Variants in PEBP4 observed in about 807,000 individuals in gnomAD.
PEBP4 encodes phosphatidylethanolamine-binding protein 4.
Under a neutral mutation model 23.9 loss-of-function variants are expected in PEBP4, and 22 were observed. The ratio of observed to expected loss-of-function variants is 0.92; its 90% confidence interval spans 0.66 to 1.31. PEBP4 has a LOEUF of 1.31. PEBP4 is among the 40% of genes most tolerant of loss of function. The pLI is 0.00. For synonymous variants in PEBP4, 112 were observed against 99.3 expected (o/e 1.13, Z -0.76); for missense variants, 324 against 281.7 (o/e 1.15, Z -1.07).
At chr8:22,755,894 G>A (rs898400473) in intron 4 of PEBP4, 1 of 152,052 alleles carries the variant, frequency 6.6e-6, no homozygotes, top group Non-Finnish European at 1.5e-5. Flanking sequence ...CTCTGAACAC[G>A]CTCTCCCCTC....
At chr8:22,756,114 A>T (rs932328823) in intron 4 of PEBP4, 1 of 151,956 alleles carries the variant, frequency 6.6e-6, no homozygotes, top group Non-Finnish European at 1.5e-5. Context: ...CCCATATTTA[A>T]CTCCTTGTCT....
At chr8:22,715,109 GAT>G (rs1459845217) in intron 6 of PEBP4, among the ~76,000 whole-genome samples, 1 of 152,244 alleles carries the variant, frequency 6.6e-6, no homozygotes, top group Non-Finnish European at 1.5e-5. Context: ...GGCCTTTGCA[GAT>G]TCCCTCAAAT....
chr8:22,903,175 G>A (rs573534019), intron 3 of PEBP4, among the ~76,000 whole-genome samples: 97 of 152,286 alleles, frequency 6.4e-4, no homozygotes, highest in African/African-American at 2.2e-3. Flanking sequence ...TCATTTACCT[G>A]TTATTTGAGA....
At chr8:22,750,426 A>C (rs150689002) in intron 4 of PEBP4, among the ~76,000 whole-genome samples, 154 of 152,340 alleles carry the variant, frequency 1.0e-3, no homozygotes, top group African/African-American at 3.6e-3. Flanking sequence ...TGATACATTA[A>C]TGCTTTCATT....
intron 6 of PEBP4, among the ~76,000 whole-genome samples, chr8:22,717,476 C>T (rs1174918750): frequency 1.3e-5 from 2 of 151,532 alleles, no homozygotes; most frequent in Non-Finnish European, 2.9e-5. Context: ...TGATGTACTT[C>T]CCTCTTAGCC....
chr8:22,924,600 G>A (rs1257136929), intron 2 of PEBP4: 1 of 945,284 alleles, frequency 1.1e-6, no homozygotes, highest in Non-Finnish European at 1.3e-6. Flanking sequence ...GGGCCTCGGG[G>A]TAAGAATGTA....
At chr8:22,788,671 C>G (rs1429264400) in intron 4 of PEBP4, among the ~76,000 whole-genome samples, 1 of 152,204 alleles carries the variant, frequency 6.6e-6, no homozygotes, top group Admixed American at 6.5e-5. Flanking sequence ...TATTCATATG[C>G]TATGAATTCT....
At chr8:22,881,025 A>C (rs987164731) in intron 3 of PEBP4, among the ~76,000 whole-genome samples, 4 of 152,190 alleles carry the variant, frequency 2.6e-5, no homozygotes, top group African/African-American at 9.7e-5. Flanking sequence ...GGCTTCCCAG[A>C]TCCTCTGGAT....
Position 22,724,827 on chromosome 8 carries a change from G to T in PEBP4, c.517+16C>A. ...AATTCACCCCGGTGGTGGCTGGAAG[G>T]ATGGGGAGGTCTTACCTCGAGTTTT... is the stretch of plus-strand genomic sequence containing the variant. On this transcript the variant is annotated intron_variant, in intron 6 of 6. Transcript: ENST00000256404. 6.3e-7 allele frequency: 1 copy of T among 1,583,584 alleles called. No homozygotes were observed. Among genetic ancestry groups the T allele is most frequent in the Non-Finnish European group, 8.7e-7 (1 of 1,152,392 alleles).
chr8:22,875,914 G>A (rs746519499), intron 3 of PEBP4, among the ~76,000 whole-genome samples: 1 of 152,032 alleles, frequency 6.6e-6, no homozygotes, highest in Non-Finnish European at 1.5e-5. Flanking sequence ...GATGTCACCT[G>A]TTCTTTTTTT....
intron 3 of PEBP4, among the ~76,000 whole-genome samples, chr8:22,849,055 G>A (rs929967245): frequency 2.0e-5 from 3 of 152,186 alleles, no homozygotes; most frequent in African/African-American, 7.2e-5. Flanking sequence ...GTCCCCTTGA[G>A]ATCTTAAAGT....
intron 1 of PEBP4, among the ~76,000 whole-genome samples, chr8:22,939,617 GT>G (rs1809583035): frequency 6.6e-6 from 1 of 151,770 alleles, no homozygotes; most frequent in Admixed American, 6.6e-5. Context: ...ACTTGCTGTT[GT>G]TTTAAGAGAT....
intron 3 of PEBP4, among the ~76,000 whole-genome samples, chr8:22,854,044 C>G (rs146612248): frequency 1.9e-3 from 282 of 152,322 alleles, no homozygotes; most frequent in Non-Finnish European, 3.1e-3. Context: ...CCAATATAAT[C>G]AGTGCCTGCA....
chr8:22,858,643 CTCA>C lies in PEBP4; in HGVS notation c.259-40911_259-40909del, dbSNP rs1295657895. ...GAGATGACAACTGAAGCCTAAAACTCTCATGTTAGATAAATAACAGAGGCTGGG... is the reference window on the plus strand; with the variant it reads ...GAGATGACAACTGAAGCCTAAAACTCTGTTAGATAAATAACAGAGGCTGGG... On this transcript the variant is annotated intron_variant, in intron 3 of 6. Coordinates refer to ENST00000256404, the MANE Select transcript of PEBP4 (RefSeq NM_144962.3). 2.6e-5 allele frequency among the ~76,000 whole-genome samples: 4 copies of C among 152,146 alleles called. 1 individual carries two copies. The South Asian group carries it at 6.2e-4, about 24-fold the overall frequency.
intron 6 of PEBP4, among the ~76,000 whole-genome samples, chr8:22,722,918 G>A (rs1429788207): frequency 3.3e-5 from 5 of 150,520 alleles, no homozygotes; most frequent in African/African-American, 4.9e-5. Context: ...GACTATAGGC[G>A]CCCACCGCCA....
At chr8:22,862,799 CTT>C (rs3060707) in intron 3 of PEBP4, among the ~76,000 whole-genome samples, 17,643 of 110,928 alleles carry the variant, frequency 0.16, 1,103 homozygotes, top group Middle Eastern at 0.21. Flanking sequence ...CCCTCATAAC[CTT>C]TTTTTTTTTT....
At chr8:22,787,103 C>T (rs530606520) in intron 4 of PEBP4, among the ~76,000 whole-genome samples, 123 of 152,332 alleles carry the variant, frequency 8.1e-4, no homozygotes, top group Non-Finnish European at 1.4e-3. Flanking sequence ...GGATTACAGG[C>T]GTAAGCCACT....
At chr8:22,813,381 G>C (rs2128761035) in intron 4 of PEBP4, among the ~76,000 whole-genome samples, 1 of 152,256 alleles carries the variant, frequency 6.6e-6, no homozygotes, top group East Asian at 1.9e-4. Context: ...AGATACTCTT[G>C]TCTCCTTAAT....
intron 4 of PEBP4, among the ~76,000 whole-genome samples, chr8:22,732,382 C>A (rs898157990): frequency 5.3e-5 from 8 of 152,188 alleles, no homozygotes; most frequent in Non-Finnish European, 7.4e-5. Flanking sequence ...GGGAGGGGAA[C>A]AACACACACA....
Sources: allele counts gnomAD v4.1 joint callset (sites outside exome capture counted in the v4.1 genomes callset), GRCh38; gene constraint gnomAD v4.1.1; transcripts MANE v1.5; gene names NCBI Gene and HGNC (gene_info 2026-07-23, HGNC 2026-07-21).